Variants in EPHA7 observed in about 807,000 individuals in gnomAD.
EPHA7 encodes the protein EPH receptor A7, also known as ephrin type-A receptor 7.
In EPHA7, 25 loss-of-function variants were observed where a neutral mutation model predicts 112.6. That is an observed-to-expected ratio of 0.22 (90% CI 0.16 to 0.31). The LOEUF (loss-of-function observed/expected upper bound fraction) is 0.31. Among genes scored for constraint, EPHA7 ranks in the 10% least tolerant of loss-of-function variants. The pLI, the probability that EPHA7 is intolerant of heterozygous loss-of-function variation, is 1.00. For missense variants in EPHA7, 962 were observed against 1,212.6 expected, an observed-to-expected ratio of 0.79 and a Z score of 3.07; for synonymous variants, 437 against 406.5, an observed-to-expected ratio of 1.07 and a Z score of -0.90.
At chr6:93,301,454 C>T (rs542938519) in intron 5 of EPHA7, among the ~76,000 whole-genome samples, 4 of 151,974 alleles carry the variant, frequency 2.6e-5, no homozygotes, top group South Asian at 2.1e-4. Flanking sequence ...ATTTGGGAAA[C>T]GTAGACAACA....
At chr6:93,321,607 A>G (rs1292174280) in intron 5 of EPHA7, among the ~76,000 whole-genome samples, 1 of 151,960 alleles carries the variant, frequency 6.6e-6, no homozygotes, top group Non-Finnish European at 1.5e-5. Context: ...TGACAAATTT[A>G]GATTTCTGAC....
At chr6:93,254,368 A>G (rs1004806271) in intron 14 of EPHA7, among the ~76,000 whole-genome samples, 17 of 152,128 alleles carry the variant, frequency 1.1e-4, no homozygotes, top group Non-Finnish European at 2.9e-5. Flanking sequence ...AAGTGTGGAA[A>G]CATTATCTTT....
intron 3 of EPHA7, among the ~76,000 whole-genome samples, chr6:93,394,415 C>A (rs1778064743): frequency 6.6e-6 from 1 of 151,188 alleles, no homozygotes; most frequent in African/African-American, 2.4e-5. Flanking sequence ...TCTTTGAGCA[C>A]CATTTTACTT....
intron 3 of EPHA7, among the ~76,000 whole-genome samples, chr6:93,380,973 C>T (rs990183557): frequency 2.0e-5 from 3 of 152,112 alleles, no homozygotes; most frequent in African/African-American, 4.8e-5. Context: ...GCTCTGCAGA[C>T]GGTGACTGCC....
At chr6:93,303,699 G>A (rs1040359716) in intron 5 of EPHA7, among the ~76,000 whole-genome samples, 2 of 151,994 alleles carry the variant, frequency 1.3e-5, no homozygotes, top group East Asian at 3.9e-4. Flanking sequence ...TTTTACTTGA[G>A]GTCTTAAATG....
chr6:93,282,067 T>G, intron 5 of EPHA7, among the ~76,000 whole-genome samples: 1 of 152,174 alleles, frequency 6.6e-6, no homozygotes, highest in East Asian at 1.9e-4. Context: ...ACAATGTTTA[T>G]AACGTTGTCA....
chr6:93,389,812 A>C (rs1777812815), intron 3 of EPHA7, among the ~76,000 whole-genome samples: 1 of 152,018 alleles, frequency 6.6e-6, no homozygotes, highest in East Asian at 1.9e-4. Flanking sequence ...AATAACAACA[A>C]GAAGTTGGGA....
At chr6:93,281,878 A>T (rs1771758249) in intron 5 of EPHA7, among the ~76,000 whole-genome samples, 1 of 152,078 alleles carries the variant, frequency 6.6e-6, no homozygotes, top group Non-Finnish European at 1.5e-5. Context: ...TTTGATGTAC[A>T]ATAACTGTAT....
At chr6:93,259,615 A>T in intron 9 of EPHA7, 136 bp from the exon 10 acceptor site, 1 of 991,152 alleles carries the variant, frequency 1.0e-6, no homozygotes, top group Non-Finnish European at 1.5e-6. Flanking sequence ...AGCAGTTTTA[A>T]CAGACTACTT....
intron 5 of EPHA7, among the ~76,000 whole-genome samples, chr6:93,282,572 G>A (rs1212641481): frequency 2.0e-5 from 3 of 152,208 alleles, no homozygotes; most frequent in Non-Finnish European, 4.4e-5. Flanking sequence ...TTCGACCTGC[G>A]GCTGCACTGT....
chr6:93,267,436 T>C (rs889627720), intron 7 of EPHA7, among the ~76,000 whole-genome samples: 3 of 151,734 alleles, frequency 2.0e-5, no homozygotes, highest in South Asian at 2.1e-4. Context: ...ACCAGGCAGC[T>C]CTCTACTGAT....
intron 3 of EPHA7, among the ~76,000 whole-genome samples, chr6:93,401,425 T>A (rs540135978): frequency 8.9e-4 from 135 of 152,222 alleles, no homozygotes; most frequent in Admixed American, 1.8e-3. Flanking sequence ...TCAGCTGATG[T>A]ATCACTTTGG....
intron 3 of EPHA7, among the ~76,000 whole-genome samples, chr6:93,371,105 A>C (rs1267824874): frequency 6.6e-6 from 1 of 151,834 alleles, no homozygotes; most frequent in Non-Finnish European, 1.5e-5. Context: ...CGGAGCTTGC[A>C]GTGAGCCCAG....
intron 14 of EPHA7, among the ~76,000 whole-genome samples, chr6:93,251,619 GA>G (rs932441623): frequency 6.4e-5 from 5 of 78,114 alleles, no homozygotes; most frequent in African/African-American, 1.0e-4. Context: ...ACTGCTAGAA[GA>G]AAAAAAATCT....
intron 5 of EPHA7, among the ~76,000 whole-genome samples, chr6:93,344,198 A>G (rs898119260): frequency 2.6e-5 from 4 of 151,668 alleles, no homozygotes; most frequent in Admixed American, 6.6e-5. Flanking sequence ...ATGTTATAGC[A>G]TTTAATATTA....
At chr6:93,408,636 C>T (rs1178253120) in intron 3 of EPHA7, among the ~76,000 whole-genome samples, 1 of 152,080 alleles carries the variant, frequency 6.6e-6, no homozygotes, top group African/African-American at 2.4e-5. Context: ...ATTTGTTTTG[C>T]TCAGAGTTCA....
chr6:93,387,910 C>T (rs914636770), intron 3 of EPHA7, among the ~76,000 whole-genome samples: 4 of 128,744 alleles, frequency 3.1e-5, no homozygotes, highest in African/African-American at 1.1e-4. Flanking sequence ...GCCAGACCAT[C>T]TTAGATAGAT....
At chr6:93,262,069 T>C (rs1272123458) in intron 9 of EPHA7, among the ~76,000 whole-genome samples, 1 of 151,490 alleles carries the variant, frequency 6.6e-6, no homozygotes, top group Non-Finnish European at 1.5e-5. Context: ...GCCATTAAAT[T>C]GTTCACATAT....
In EPHA7 at chr6:93,410,635, G is replaced by A. The variant is rs753087941; in HGVS notation, c.698C>T (p.Thr233Ile). The change falls in exon 3 of 17, where the codon ACA becomes ATA. Residue 233 changes from threonine to isoleucine, a missense_variant. Around this residue, in one of 3 missense-constraint regions of EPHA7, gnomAD observed 160 missense variants for 263.6 expected, o/e 0.61. Transcript: ENST00000369303. This position sits in a 1 kb window ranked among gnomAD's most constrained non-coding sequence, Gnocchi z 4.0. ...EFSSLVEVRG[T>I]CVSSAEEEAE... ...TTCTTCCTCTGCACTGCTGACACAT[G>A]TCCCTCGAACCTCGACTAAAGAGGA... 3.7e-6 allele frequency: 6 copies of A among 1,613,836 alleles called. No individual in the cohort carries two copies. Among genetic ancestry groups the A allele is most frequent in the Middle Eastern group, 1.6e-4 (1 of 6,084 alleles).
Sources: gnomAD v4.1 joint callset for allele counts (sites outside exome capture counted in the v4.1 genomes callset) on GRCh38, gnomAD v4.1.1 for gene constraint, gnomAD v4.1.1 regional missense constraint, Gnocchi (gnomAD v3.1) non-coding constraint, MANE v1.5 for transcripts, NCBI Gene and HGNC (gene_info 2026-07-23, HGNC 2026-07-21) for gene names.